Variants in SLC47A1 observed in about 807,000 individuals in gnomAD.
The protein encoded by SLC47A1 is multidrug and toxin extrusion protein 1.
A neutral mutation model predicts 65.8 loss-of-function variants in SLC47A1; 58 were observed. The ratio of observed to expected loss-of-function variants is 0.88; its 90% CI spans 0.71 to 1.10. SLC47A1 has a LOEUF of 1.10. Ranked by LOEUF, SLC47A1 falls within the 50% of genes least tolerant of loss-of-function variation. The pLI is 0.00. For synonymous variants in SLC47A1, 285 were observed against 295.0 expected (o/e 0.97, Z 0.35); for missense variants, 706 against 719.2 (o/e 0.98, Z 0.21).
At chr17:19,569,973 C>T (rs1258283813) in intron 14 of SLC47A1, among the ~76,000 whole-genome samples, 2 of 152,024 alleles carry the variant, frequency 1.3e-5, no homozygotes, top group Admixed American at 6.6e-5. Context: ...CTAGGCTGGG[C>T]GTAGTGACTC....
At chr17:19,572,228 C>T (rs2084405136) in intron 15 of SLC47A1, among the ~76,000 whole-genome samples, 1 of 152,162 alleles carries the variant, frequency 6.6e-6, no homozygotes. Context: ...TCTCTTGTCC[C>T]TGTCTCCCTC....
rs1567576853 is a variant in SLC47A1 at position 19,566,890 on chromosome 17, TG to T, written c.1176+32del. On this transcript the variant is annotated intron_variant, in intron 13 of 16. Transcript: ENST00000270570. ...TATTATGTAGTAGTCCCCTAAGCAC[TG>T]TTATGATCTTCTGATGGTGGTAAAT... is the stretch of plus-strand genomic sequence containing the variant. The T allele has an allele frequency of 3.7e-6, 6 of 1,609,316 alleles. No homozygotes were observed. The South Asian group carries it at 6.6e-5, about 18-fold the overall frequency.
chr17:19,575,097 CTCTT>C (rs60683243), intron 16 of SLC47A1, among the ~76,000 whole-genome samples: 38,143 of 137,214 alleles, frequency 0.28, 6,192 homozygotes, highest in East Asian at 0.52. Context: ...CTCTCTTTCT[CTCTT>C]TCTCTGTCAC....
intron 10 of SLC47A1, among the ~76,000 whole-genome samples, chr17:19,559,285 C>T (rs2084288732): frequency 6.6e-6 from 1 of 152,214 alleles, no homozygotes; most frequent in African/African-American, 2.4e-5. Context: ...GATCCCTAAC[C>T]ACAATACAGG....
chr17:19,552,072 G>C (rs1390941039), intron 6 of SLC47A1, among the ~76,000 whole-genome samples: 2 of 152,204 alleles, frequency 1.3e-5, no homozygotes, highest in Non-Finnish European at 2.9e-5. Flanking sequence ...AGGTAAACAG[G>C]GGTACTCGGC....
At chr17:19,560,909 G>T (rs1180444532) in intron 12 of SLC47A1, among the ~76,000 whole-genome samples, 1 of 150,552 alleles carries the variant, frequency 6.6e-6, no homozygotes, top group Non-Finnish European at 1.5e-5. Context: ...AGAAAGAAAT[G>T]GTTCCTCCAA....
chr17:19,547,947 C>T, intron 3 of SLC47A1, 38 bp from the exon 4 acceptor site: 1 of 1,556,890 alleles, frequency 6.4e-7, no homozygotes, highest in Non-Finnish European at 8.8e-7. Context: ...TGTGCTGGGT[C>T]TGTGCTAATG....
At chr17:19,562,798 A>T (rs1281143988) in intron 12 of SLC47A1, among the ~76,000 whole-genome samples, 1 of 152,148 alleles carries the variant, frequency 6.6e-6, no homozygotes, top group Non-Finnish European at 1.5e-5. Flanking sequence ...AGAACTGACG[A>T]GATGAGGAAA....
chr17:19,545,815 C>A (rs1185245553), intron 2 of SLC47A1, among the ~76,000 whole-genome samples: 1 of 152,062 alleles, frequency 6.6e-6, no homozygotes, highest in African/African-American at 2.4e-5. Flanking sequence ...ATAGCCTTAT[C>A]ATTGTAACAC....
At chr17:19,565,105 T>C (rs2084345611) in intron 12 of SLC47A1, among the ~76,000 whole-genome samples, 1 of 152,194 alleles carries the variant, frequency 6.6e-6, no homozygotes, top group Admixed American at 6.5e-5. Flanking sequence ...CAAAACTCAC[T>C]CCAAGGGTGT....
intron 1 of SLC47A1, among the ~76,000 whole-genome samples, chr17:19,536,197 C>T (rs1438921595): frequency 6.6e-6 from 1 of 151,664 alleles, no homozygotes; most frequent in Non-Finnish European, 1.5e-5. Flanking sequence ...CTCCCAAGAG[C>T]TGGGATTATA....
At chr17:19,540,736 G>C (rs975086994) in intron 1 of SLC47A1, among the ~76,000 whole-genome samples, 3 of 152,108 alleles carry the variant, frequency 2.0e-5, no homozygotes, top group Non-Finnish European at 4.4e-5. Context: ...CGCTCCTCAC[G>C]TTCAGTAGCA....
At chr17:19,551,175 A>G (rs1250518799) in intron 5 of SLC47A1, among the ~76,000 whole-genome samples, 1 of 152,172 alleles carries the variant, frequency 6.6e-6, no homozygotes, top group Non-Finnish European at 1.5e-5. Context: ...CACCCAGGGA[A>G]ACTCCACCTC....
At position 19,534,065 on chromosome 17, in the gene SLC47A1, T is replaced by C. The variant is rs763540203; in HGVS notation, c.126T>C (p.Ala42=). 27 of 1,542,186 alleles carry C rather than the reference T, an allele frequency of 1.8e-5. No individual in the cohort carries two copies. In the East Asian group the frequency reaches 6.7e-4, roughly 38 times the overall value. The change falls in exon 1 of 17, where the codon GCT becomes GCC. Residue 42 remains alanine, a synonymous_variant. Coordinates refer to ENST00000270570, the MANE Select transcript of SLC47A1 (RefSeq NM_018242.3). ...AGCTGCGGGCGCTCTTGGTCCTGGC[T>C]GGCCCCGCGGTGAGTAAGGTGGCCT... The part of the protein sequence containing the change: ...REELRALLVL[A]GPAFLVQLMV...
Position 19,533,955 on chromosome 17 carries a change from G to A in SLC47A1, c.16G>A (p.Glu6Lys), listed in dbSNP as rs762440633. 2 of 1,530,696 alleles carry A rather than the reference G, an allele frequency of 1.3e-6. No homozygotes were observed. Among genetic ancestry groups the A allele is most frequent in the Non-Finnish European group, 1.8e-6 (2 of 1,142,722 alleles). 94.8% of individuals were successfully genotyped at this position (1,530,696 alleles called of 1,614,324 possible). A position where few individuals can be genotyped will look rare whatever the true frequency, so the allele number is the denominator to read the frequency against. ...CGCGAGTCACATGGAAGCTCCTGAG[G>A]AGCCCGCGCCAGTGCGCGGAGGCCC... Reference protein sequence around the residue: MEAPEEPAPVRGGPEA... With the variant: MEAPEKPAPVRGGPEA... The change falls in exon 1 of 17, where the codon GAG (glutamate) becomes AAG (lysine). Residue 6 changes from glutamate to lysine, a missense_variant. Glu to Lys is a moderately conservative substitution (Grantham distance 56, BLOSUM62 1). Coordinates refer to ENST00000270570, the MANE Select transcript of SLC47A1 (RefSeq NM_018242.3).
intron 4 of SLC47A1, among the ~76,000 whole-genome samples, chr17:19,548,395 A>G (rs1916351686): frequency 6.6e-6 from 1 of 151,970 alleles, no homozygotes; most frequent in Non-Finnish European, 1.5e-5. Flanking sequence ...GTAGTTTGTG[A>G]CGTTTGCTCA....
rs141851063 is a variant in SLC47A1 at position 19,544,291 on chromosome 17, C to G, written c.237+1797C>G. 3.9e-5 allele frequency among the ~76,000 whole-genome samples: 6 copies of G among 152,326 alleles called. No homozygotes were observed. The East Asian group carries it at 1.2e-3, about 29-fold the overall frequency. ...AGCGGGCAACATGGACAATCCCAGGCTTAATTATCCATTTTGTTTTTAAGT... is the reference window on the plus strand; with the variant it reads ...AGCGGGCAACATGGACAATCCCAGGGTTAATTATCCATTTTGTTTTTAAGT... On this transcript the variant is annotated intron_variant, in intron 2 of 16. Coordinates refer to ENST00000270570, the MANE Select transcript of SLC47A1 (RefSeq NM_018242.3).
rs775173597 is a variant in SLC47A1, at chr17:19,546,436, T to C, written c.239T>C (p.Val80Ala). The change falls in exon 3 of 17, where the codon GTT (valine) becomes GCT (alanine). Residue 80 changes from valine (V) to alanine (A), a missense_variant and splice_region_variant. Coordinates refer to ENST00000270570, the MANE Select transcript of SLC47A1 (RefSeq NM_018242.3). ...ELDAVTLAIA[V>A]INVTGVSVGF... ...CCTTATCTTTGGGTTTATTTGCAGG[T>C]TATCAATGTCACTGGTGTCTCAGTG... 1.9e-5 allele frequency: 30 copies of C among 1,613,720 alleles called. 1 individual carries two copies. In the South Asian group the frequency reaches 3.3e-4, roughly 18 times the overall value.
chr17:19,548,445 C>T (rs1284898193), intron 4 of SLC47A1, among the ~76,000 whole-genome samples: 1 of 151,964 alleles, frequency 6.6e-6, no homozygotes, highest in Non-Finnish European at 1.5e-5. Context: ...ATTAAAATCA[C>T]CTGGGTGCTT....
Sources: gnomAD v4.1 joint callset for allele counts (sites outside exome capture counted in the v4.1 genomes callset) on GRCh38, gnomAD v4.1.1 for gene constraint, MANE v1.5 for transcripts, NCBI Gene and HGNC (gene_info 2026-07-23, HGNC 2026-07-21) for gene names.